EBF1: variants seen among roughly 807,000 people sequenced by gnomAD.
EBF1 encodes EBF transcription factor 1.
In EBF1, 10 loss-of-function variants were observed where a neutral mutation model predicts 68.4. The ratio of observed to expected loss-of-function variants is 0.15; its 90% CI spans 0.09 to 0.25. The LOEUF (loss-of-function observed/expected upper bound fraction) is 0.25, where lower values mean the gene tolerates loss of function less well. EBF1 is among the 10% of genes least tolerant of loss of function. The pLI, the probability that EBF1 is intolerant of heterozygous loss-of-function variation, is 1.00. For synonymous variants in EBF1, 298 were observed against 299.8 expected, an observed-to-expected ratio of 0.99 and a Z score of 0.06; for missense variants, 509 against 794.4, an observed-to-expected ratio of 0.64 and a Z score of 4.32.
At chr5:158,714,061 T>G in intron 12 of EBF1, 56 bp downstream of exon 12, 109 of 1,546,598 alleles carry the variant, frequency 7.0e-5, no homozygotes, top group Non-Finnish European at 9.2e-5. Context: ...ATGAGGAATC[T>G]GAGATCTTTA....
chr5:158,997,838 C>T (rs1761729551), intron 6 of EBF1, among the ~76,000 whole-genome samples: 1 of 152,194 alleles, frequency 6.6e-6, no homozygotes, highest in Non-Finnish European at 1.5e-5. Flanking sequence ...CGCTCATGTT[C>T]TTGCAGCGTC....
At chr5:158,892,460 T>G (rs10866710) in intron 6 of EBF1, among the ~76,000 whole-genome samples, 130,656 of 152,142 alleles carry the variant, frequency 0.86, 56,426 homozygotes, top group East Asian at 0.96. Context: ...CTGCATTCCA[T>G]CCTGGATGAC....
At chr5:158,982,834 A>G (rs990268127) in intron 6 of EBF1, among the ~76,000 whole-genome samples, 3 of 152,144 alleles carry the variant, frequency 2.0e-5, no homozygotes, top group African/African-American at 7.2e-5. Context: ...TCAGCATCCT[A>G]TGTATGAAAC....
intron 10 of EBF1, among the ~76,000 whole-genome samples, chr5:158,749,972 T>A (rs1271218823): frequency 6.6e-6 from 1 of 152,134 alleles, no homozygotes; most frequent in Non-Finnish European, 1.5e-5. Flanking sequence ...TCTTTTGTAG[T>A]CAACAGTATG....
At chr5:159,013,295 G>A (rs546767851) in intron 6 of EBF1, among the ~76,000 whole-genome samples, 1 of 152,326 alleles carries the variant, frequency 6.6e-6, no homozygotes, top group African/African-American at 2.4e-5. Context: ...AGCAGACACA[G>A]GCCCTGCCCT....
chr5:159,087,088 T>C (rs1414075294), intron 4 of EBF1, among the ~76,000 whole-genome samples: 1 of 151,978 alleles, frequency 6.6e-6, no homozygotes, highest in East Asian at 1.9e-4. Flanking sequence ...CTATTAGTAC[T>C]ACATGGTTTG....
At chr5:158,991,626 G>T (rs1159897389) in intron 6 of EBF1, among the ~76,000 whole-genome samples, 2 of 152,156 alleles carry the variant, frequency 1.3e-5, no homozygotes, top group African/African-American at 4.8e-5. Flanking sequence ...AGACCTAAAA[G>T]TATTTGTCAT....
chr5:158,843,886 A>C (rs775239511), intron 6 of EBF1, among the ~76,000 whole-genome samples: 9 of 152,060 alleles, frequency 5.9e-5, no homozygotes, highest in Non-Finnish European at 1.0e-4. Context: ...GCCTTTGTAA[A>C]CCGGGGGACA....
At chr5:158,938,728 C>T (rs1812615329) in intron 6 of EBF1, among the ~76,000 whole-genome samples, 2 of 152,172 alleles carry the variant, frequency 1.3e-5, no homozygotes, top group African/African-American at 4.8e-5. Flanking sequence ...GTAATGCCAT[C>T]ATGGCAGGGG....
intron 4 of EBF1, among the ~76,000 whole-genome samples, chr5:159,091,760 G>T (rs7442845): frequency 1.3e-5 from 2 of 151,884 alleles, no homozygotes; most frequent in African/African-American, 2.4e-5. Flanking sequence ...AGTCTAGCTG[G>T]GAAGAGAAAC....
chr5:159,035,490 C>G (rs1336071418), intron 6 of EBF1, among the ~76,000 whole-genome samples: 2 of 151,988 alleles, frequency 1.3e-5, no homozygotes, highest in Non-Finnish European at 2.9e-5. Flanking sequence ...GGATCTTGGA[C>G]CATATTTGAA....
In EBF1 at chr5:158,773,384, T is replaced by C. The variant is rs1377511526; in HGVS notation, c.1036+4029A>G. Reference sequence around the variant, plus strand: ...TAGTTCACAGGCTAATACACAGGAATGTGGGTTAGTCCTTCCACAGGAACA... The same window carrying C: ...TAGTTCACAGGCTAATACACAGGAACGTGGGTTAGTCCTTCCACAGGAACA... On this transcript the variant is annotated intron_variant, in intron 10 of 15. Coordinates refer to ENST00000313708, the MANE Select transcript of EBF1 (RefSeq NM_024007.5). Among the ~76,000 whole-genome samples the C allele has an allele frequency of 2.0e-5, 3 of 152,258 alleles. No homozygotes were observed. In the East Asian group the frequency reaches 5.8e-4, roughly 29 times the overall value.
chr5:158,704,315 C>T (rs1000708147), intron 15 of EBF1, among the ~76,000 whole-genome samples: 1 of 152,142 alleles, frequency 6.6e-6, no homozygotes, highest in Non-Finnish European at 1.5e-5. Flanking sequence ...TAAGGGAGTG[C>T]TGCTGGGGAA....
intron 9 of EBF1, among the ~76,000 whole-genome samples, chr5:158,790,589 C>T (rs116943299): frequency 1.3e-5 from 2 of 152,110 alleles, no homozygotes; most frequent in South Asian, 2.1e-4. Flanking sequence ...GTACCTCAAA[C>T]GTTGTGCAAA....
intron 6 of EBF1, among the ~76,000 whole-genome samples, chr5:158,856,281 T>A (rs1793992024): frequency 6.6e-6 from 1 of 152,176 alleles, no homozygotes; most frequent in African/African-American, 2.4e-5. Flanking sequence ...TCTCAATGAG[T>A]CTACTTCCAA....
chr5:158,787,985 C>G (rs1158188855), intron 9 of EBF1, among the ~76,000 whole-genome samples: 1 of 152,242 alleles, frequency 6.6e-6, no homozygotes, highest in African/African-American at 2.4e-5. Context: ...CAAGCATTGT[C>G]AACTACAACA....
At chr5:158,952,219 C>T (rs990295311) in intron 6 of EBF1, among the ~76,000 whole-genome samples, 2 of 152,148 alleles carry the variant, frequency 1.3e-5, no homozygotes, top group Non-Finnish European at 2.9e-5. Flanking sequence ...AGATCCAGGG[C>T]CTTTTGTTAG....
intron 6 of EBF1, among the ~76,000 whole-genome samples, chr5:159,064,047 G>GT (rs1554126544): frequency 2.0e-5 from 3 of 151,942 alleles, no homozygotes; most frequent in Non-Finnish European, 2.9e-5. Flanking sequence ...GATTACTGAT[G>GT]TTTTTTTCAA....
intron 6 of EBF1, among the ~76,000 whole-genome samples, chr5:159,010,551 T>G (rs1204865119): frequency 6.6e-6 from 1 of 152,262 alleles, no homozygotes; most frequent in Admixed American, 6.5e-5. Flanking sequence ...TTAAAATGTT[T>G]ATTTTTAAAG....
Sources: allele counts gnomAD v4.1 joint callset (sites outside exome capture counted in the v4.1 genomes callset), GRCh38; gene constraint gnomAD v4.1.1; transcripts MANE v1.5; gene names NCBI Gene and HGNC (gene_info 2026-07-23, HGNC 2026-07-21).